Variants in VCPIP1 observed in about 807,000 individuals in gnomAD.
VCPIP1 encodes the protein deubiquitinating protein VCPIP1.
A neutral mutation model predicts 85.0 loss-of-function variants in VCPIP1; 8 were observed. The ratio of observed to expected loss-of-function variants is 0.09; its 90% confidence interval spans 0.06 to 0.17. The LOEUF is 0.17. Ranked by LOEUF, VCPIP1 falls within the 10% of genes least tolerant of loss-of-function variation. The pLI is 1.00. For missense variants in VCPIP1, 1,070 were observed against 1,486.3 expected, an observed-to-expected ratio of 0.72 and a Z score of 4.61; for synonymous variants, 543 against 544.5, an observed-to-expected ratio of 1.00 and a Z score of 0.04.
intron 1 of VCPIP1, among the ~76,000 whole-genome samples, chr8:66,661,131 G>A (rs1449714450): frequency 1.3e-5 from 2 of 152,136 alleles, no homozygotes; most frequent in East Asian, 3.8e-4. Flanking sequence ...TATAATACAG[G>A]CTATGCACTT....
In VCPIP1 at chr8:66,634,940, C is replaced by T. The variant is rs771709352; in HGVS notation, c.3230G>A (p.Ser1077Asn). ...AGCTATTCGAATAAGCTCACTATTA[C>T]TAGAAGAAGCTGTGAATACAGAAGG... ...TEPSVFTASS[S>N]NSELIRIAPG... Residue 1077 changes from serine to asparagine, a missense_variant, in exon 3 of 3, where the codon AGT (serine) becomes AAT (asparagine). By Grantham distance (46) the Ser-to-Asn change is conservative (BLOSUM62 1). Transcript: ENST00000310421. 1 of 1,613,528 alleles carries T rather than the reference C, an allele frequency of 6.2e-7. No individual in the cohort carries two copies.
chr8:66,664,739 T>C lies in VCPIP1; in HGVS notation c.2220A>G (p.Lys740=), dbSNP rs1207838648. 2 of 1,613,516 alleles carry C rather than the reference T, an allele frequency of 1.2e-6. No homozygotes were observed. The highest frequency in any genetic ancestry group is 2.2e-5 in the South Asian group (2 of 91,022). ...TGGGAGAAACAGTCCTGGGTTGCCC[T>C]TTTTGTTCTTGTTTTAACTTCTCTG... ...RKTEKLKQEQ[K]GQPRTVSPST... Residue 740 remains lysine (K), a synonymous_variant, in exon 1 of 3, where the codon AAA becomes AAG. Transcript: ENST00000310421.
In VCPIP1 at chr8:66,664,857, GTTT is replaced by G; in HGVS notation, c.2099_2101del (p.Lys700del). 3 of 1,614,060 alleles carry G rather than the reference GTTT, an allele frequency of 1.9e-6. No homozygotes were observed. Among genetic ancestry groups the G allele is most frequent in the Non-Finnish European group, 2.5e-6 (3 of 1,180,006 alleles). ...CATGTTTAACTCCTCCTTGTGCAAA[GTTT>G]TTGTTTTCTGTCCAGTAAGAATAAT... On this transcript the variant is annotated inframe_deletion, in exon 1 of 3. Transcript: ENST00000310421.
chr8:66,658,333 T>TG (rs1811119883), intron 1 of VCPIP1, among the ~76,000 whole-genome samples: 2 of 141,724 alleles, frequency 1.4e-5, no homozygotes, highest in South Asian at 2.2e-4. Context: ...GGCTCCATCT[T>TG]GGGGAAAAAA....
Position 66,629,113 on chromosome 8 carries a change from T to C in VCPIP1, c.*5388A>G, listed in dbSNP as rs1810808626. On this transcript the variant is annotated 3_prime_UTR_variant, in exon 3 of 3. Coordinates refer to ENST00000310421, the MANE Select transcript of VCPIP1 (RefSeq NM_025054.5). ...AACTCTACCACATTACATTAACATA[T>C]AACATAGCAAATATTTGAGTGTTTA... 1 of 152,254 alleles carries C rather than the reference T, an allele frequency of 6.6e-6. No homozygotes were observed. The highest frequency in any genetic ancestry group is 2.4e-5 in the African/African-American group (1 of 41,468). The allele number at this position is 152,254 out of a possible 1,614,324, so 9.4% of individuals were successfully genotyped here.
chr8:66,656,339 C>T (rs114048073), intron 1 of VCPIP1, among the ~76,000 whole-genome samples: 3,997 of 152,120 alleles, frequency 0.026, 186 homozygotes, highest in African/African-American at 0.09. Flanking sequence ...GGACTACAGG[C>T]GTGTGCCACC....
Position 66,651,553 on chromosome 8 carries a change from C to T in VCPIP1, c.2711-9G>A. 6.2e-7 allele frequency: 1 copy of T among 1,608,364 alleles called. No individual in the cohort carries two copies. The highest frequency in any genetic ancestry group is 8.5e-7 in the Non-Finnish European group (1 of 1,176,962). On this transcript the variant is annotated splice_polypyrimidine_tract_variant and intron_variant, in intron 1 of 2. Transcript: ENST00000310421. ...AGACCATACATCTTCTCCTGTAAGA[C>T]AAAAACAGATATAGTATTAGCAACA... is the stretch of plus-strand genomic sequence containing the variant.
rs1811229732 is a variant in VCPIP1, at chr8:66,667,187, C to G, written c.-229G>C. 1.2e-6 allele frequency: 1 copy of G among 828,964 alleles called. No individual in the cohort carries two copies. The highest frequency in any genetic ancestry group is 1.8e-6 in the Non-Finnish European group (1 of 569,746). The allele number at this position is 828,964 out of a possible 1,614,324, so 51.4% of individuals were successfully genotyped here. A position where few individuals can be genotyped will look rare whatever the true frequency, so the allele number is the denominator to read the frequency against. On this transcript the variant is annotated 5_prime_UTR_variant, in exon 1 of 3. Coordinates refer to ENST00000310421, the MANE Select transcript of VCPIP1 (RefSeq NM_025054.5). ...CCGAACGTAACGGCCACCACCCCAC[C>G]CCGCACTCACACTCACTCACTCTCG...
At chr8:66,646,711 T>C (rs185439233) in intron 2 of VCPIP1, among the ~76,000 whole-genome samples, 4 of 150,004 alleles carry the variant, frequency 2.7e-5, no homozygotes, top group African/African-American at 7.4e-5. Context: ...CAGGAAAGAA[T>C]TGCTTGAACC....
At chr8:66,637,521 C>T (rs11987311) in intron 2 of VCPIP1, among the ~76,000 whole-genome samples, 19,599 of 144,458 alleles carry the variant, frequency 0.14, 3,129 homozygotes, top group African/African-American at 0.38. Flanking sequence ...TTAAATACAA[C>T]ACAAATACTG....
At chr8:66,663,032 G>C (rs1283784458) in intron 1 of VCPIP1, among the ~76,000 whole-genome samples, 1 of 149,506 alleles carries the variant, frequency 6.7e-6, no homozygotes, top group East Asian at 2.0e-4. Context: ...TTGAACCCGG[G>C]AGGTGGAGTT....
chr8:66,655,338 G>A (rs758848148), intron 1 of VCPIP1, among the ~76,000 whole-genome samples: 1 of 152,212 alleles, frequency 6.6e-6, no homozygotes, highest in Admixed American at 6.5e-5. Context: ...TTGTTTTCCT[G>A]TTTTGTTTTG....
chr8:66,657,157 G>A (rs1030741811), intron 1 of VCPIP1, among the ~76,000 whole-genome samples: 4 of 151,868 alleles, frequency 2.6e-5, no homozygotes, highest in Non-Finnish European at 4.4e-5. Flanking sequence ...TGTCCATCTC[G>A]GCCTCCCAAA....
At position 66,643,823 on chromosome 8, in the gene VCPIP1, CA is replaced by C. The variant is rs200461050; in HGVS notation, c.2797+7634del. On this transcript the variant is annotated intron_variant, in intron 2 of 2. Coordinates refer to ENST00000310421, the MANE Select transcript of VCPIP1 (RefSeq NM_025054.5). Reference sequence around the variant, plus strand: ...AAACTGAAATCAGAAAAATAACAAACAAAAAAAACCCTATGAATCCAAATGT... The same window carrying C: ...AAACTGAAATCAGAAAAATAACAAACAAAAAAACCCTATGAATCCAAATGT... Among the ~76,000 whole-genome samples the C allele has an allele frequency of 5.9e-5, 7 of 119,382 alleles. No homozygotes were observed. The East Asian group carries it at 1.2e-3, about 20-fold the overall frequency. The allele number at this position is 119,382 out of a possible 152,430, so 78.3% of individuals were successfully genotyped here.
chr8:66,635,768 C>A (rs1810878822), intron 2 of VCPIP1, among the ~76,000 whole-genome samples: 1 of 151,380 alleles, frequency 6.6e-6, no homozygotes, highest in African/African-American at 2.4e-5. Context: ...ACAAAATTAG[C>A]TGGGCATGGC....
chr8:66,646,217 C>A (rs911348446), intron 2 of VCPIP1, among the ~76,000 whole-genome samples: 45 of 151,758 alleles, frequency 3.0e-4, no homozygotes, highest in Non-Finnish European at 6.2e-4. Context: ...GGATTATGGG[C>A]GCATGCCACC....
In VCPIP1 at chr8:66,630,382, T is replaced by C. The variant is rs1453312713; in HGVS notation, c.*4119A>G. 2.0e-5 allele frequency: 3 copies of C among 152,608 alleles called. No individual in the cohort carries two copies. The highest frequency in any genetic ancestry group is 7.2e-5 in the African/African-American group (3 of 41,456). 9.5% of individuals were successfully genotyped at this position (152,608 alleles called of 1,614,324 possible). ...TCATTTCCCTCCAAAAAGTAGACTT[T>C]CCAGTTCTTGGCACTAATTCTTAGT... is the stretch of plus-strand genomic sequence containing the variant. On this transcript the variant is annotated 3_prime_UTR_variant, in exon 3 of 3. Coordinates refer to ENST00000310421, the MANE Select transcript of VCPIP1 (RefSeq NM_025054.5).
chr8:66,645,853 C>T (rs539926338), intron 2 of VCPIP1, among the ~76,000 whole-genome samples: 2 of 151,886 alleles, frequency 1.3e-5, no homozygotes, highest in South Asian at 4.2e-4. Context: ...TCAACTGAGC[C>T]AGGTAGGTCA....
intron 2 of VCPIP1, among the ~76,000 whole-genome samples, chr8:66,650,864 A>C (rs1428689056): frequency 6.9e-6 from 1 of 145,212 alleles, no homozygotes; most frequent in Non-Finnish European, 1.5e-5. Context: ...TCGTCTCAAA[A>C]AAAAAAAAAA....
Sources: allele counts gnomAD v4.1 joint callset (sites outside exome capture counted in the v4.1 genomes callset), GRCh38; gene constraint gnomAD v4.1.1; transcripts MANE v1.5; gene names NCBI Gene and HGNC (gene_info 2026-07-23, HGNC 2026-07-21).